The following PRICKLE2 variants were observed in gnomAD, a reference collection of about 807,000 sequenced individuals.
The protein encoded by PRICKLE2 is prickle-like protein 2.
Under a neutral mutation model 81.4 loss-of-function variants are expected in PRICKLE2, and 21 were observed. That is an observed-to-expected ratio of 0.26 (90% CI 0.18 to 0.37). The LOEUF (loss-of-function observed/expected upper bound fraction) is 0.37. Among genes scored for constraint, PRICKLE2 ranks in the 10% least tolerant of loss-of-function variants. The pLI is 1.00. For synonymous variants in PRICKLE2, 456 were observed against 421.5 expected (o/e 1.08, Z -1.00); for missense variants, 940 against 1,109.0 (o/e 0.85, Z 2.16).
At chr3:64,140,065 A>G (rs1193481570) in intron 7 of PRICKLE2, among the ~76,000 whole-genome samples, 7 of 152,236 alleles carry the variant, frequency 4.6e-5, no homozygotes, top group African/African-American at 1.7e-4. Flanking sequence ...ACCTACAAAT[A>G]CTAATACCAA....
At chr3:64,236,450 C>G (rs538245999) in intron 2 of PRICKLE2, among the ~76,000 whole-genome samples, 105 of 152,310 alleles carry the variant, frequency 6.9e-4, no homozygotes, top group African/African-American at 2.3e-3. Context: ...AAGCTAATCA[C>G]AGCCTAGGGA....
intron 2 of PRICKLE2, among the ~76,000 whole-genome samples, chr3:64,232,039 T>C (rs1054768265): frequency 1.3e-5 from 2 of 152,192 alleles, no homozygotes; most frequent in African/African-American, 4.8e-5. Flanking sequence ...ACACAGAAGG[T>C]TCCCTGTGCC....
Position 64,147,309 on chromosome 3 carries a change from C to G in PRICKLE2, c.1181G>C (p.Trp394Ser). ...QTPSLNRDPI[W>S]RSREEPYHYG... is the part of the protein sequence containing the mutation. The stretch of plus-strand genomic sequence containing the variant: ...ATGGTAGGGCTCTTCCCGGCTCCTC[C>G]AGATGGGGTCCCGGTTGAGGCTGGG... The change falls in exon 7 of 8, where the codon TGG becomes TCG. Residue 394 changes from tryptophan to serine, a missense_variant. Transcript: ENST00000638394. This position sits in a 1 kb window ranked among gnomAD's most constrained non-coding sequence, Gnocchi z 5.0. 6.2e-7 allele frequency: 1 copy of G among 1,613,916 alleles called. No homozygotes were observed. Among genetic ancestry groups the G allele is most frequent in the South Asian group, 1.1e-5 (1 of 91,078 alleles).
At chr3:64,180,958 A>G (rs1351660024) in intron 2 of PRICKLE2, among the ~76,000 whole-genome samples, 1 of 152,214 alleles carries the variant, frequency 6.6e-6, no homozygotes, top group African/African-American at 2.4e-5. Flanking sequence ...AAGTCCTTTC[A>G]TAAGCAACTT....
At chr3:64,124,148 G>A (rs1417887303) in intron 7 of PRICKLE2, among the ~76,000 whole-genome samples, 1 of 152,122 alleles carries the variant, frequency 6.6e-6, no homozygotes, top group African/African-American at 2.4e-5. Context: ...AGTTTAAGTG[G>A]GCTGGACAGA....
At chr3:64,177,936 G>A (rs1400496327) in intron 2 of PRICKLE2, among the ~76,000 whole-genome samples, 1 of 152,188 alleles carries the variant, frequency 6.6e-6, no homozygotes, top group Non-Finnish European at 1.5e-5. Flanking sequence ...GGAATTACTG[G>A]ATGATATGGT....
intron 2 of PRICKLE2, among the ~76,000 whole-genome samples, chr3:64,172,603 CAA>C (rs1553647437): frequency 3.3e-5 from 5 of 152,294 alleles, no homozygotes; most frequent in African/African-American, 9.6e-5. Flanking sequence ...GTGTAACTAA[CAA>C]AGAGAGAGGC....
chr3:64,233,089 T>C (rs2079129455), intron 2 of PRICKLE2, among the ~76,000 whole-genome samples: 1 of 152,198 alleles, frequency 6.6e-6, no homozygotes, highest in Non-Finnish European at 1.5e-5. Context: ...TACACTCTGG[T>C]CCTTGACACT....
chr3:64,216,206 A>G (rs1390319216), intron 1 of PRICKLE2, among the ~76,000 whole-genome samples: 1 of 152,240 alleles, frequency 6.6e-6, no homozygotes, highest in Non-Finnish European at 1.5e-5. Context: ...GTTTACAACA[A>G]CCTACCAGCC....
At chr3:64,150,687 C>T (rs1274187531) in intron 6 of PRICKLE2, among the ~76,000 whole-genome samples, 1 of 152,182 alleles carries the variant, frequency 6.6e-6, no homozygotes, top group Admixed American at 6.5e-5. Flanking sequence ...TAGAGGTACA[C>T]AGGAAGTCCA....
intron 2 of PRICKLE2, among the ~76,000 whole-genome samples, chr3:64,256,506 G>A (rs1174944519): frequency 6.6e-6 from 1 of 152,122 alleles, no homozygotes; most frequent in East Asian, 1.9e-4. Flanking sequence ...GCTCTACACA[G>A]AAAAAGTTTG....
intron 2 of PRICKLE2, among the ~76,000 whole-genome samples, chr3:64,237,560 C>G (rs1420891669): frequency 6.6e-6 from 1 of 152,116 alleles, no homozygotes; most frequent in Admixed American, 6.5e-5. Context: ...CACCTCTCTG[C>G]CCTGCTCCTC....
intron 2 of PRICKLE2, chr3:64,182,806 AT>A (rs2078158479): frequency 6.6e-6 from 1 of 152,188 alleles, no homozygotes; most frequent in Admixed American, 6.5e-5. Flanking sequence ...GAAATGGCGA[AT>A]AACCACTCTA....
intron 2 of PRICKLE2, among the ~76,000 whole-genome samples, chr3:64,246,048 C>T (rs1167604565): frequency 6.6e-6 from 1 of 152,102 alleles, no homozygotes; most frequent in African/African-American, 2.4e-5. Flanking sequence ...AGTTCGAGAC[C>T]AGCCTGGCCA....
At chr3:64,160,976 AAACAAAC>A (rs1553645532) in intron 3 of PRICKLE2, among the ~76,000 whole-genome samples, 1 of 151,578 alleles carries the variant, frequency 6.6e-6, no homozygotes, top group Non-Finnish European at 1.5e-5. Flanking sequence ...ACAAACAAAC[AAACAAAC>A]AAAAAAACCA....
intron 2 of PRICKLE2, among the ~76,000 whole-genome samples, chr3:64,238,206 G>T (rs746920909): frequency 6.6e-6 from 1 of 152,144 alleles, no homozygotes; most frequent in Non-Finnish European, 1.5e-5. Context: ...GGTAGTATTG[G>T]CTGGGTGGGG....
intron 5 of PRICKLE2, chr3:64,153,618 G>C (rs2077580407): frequency 2.0e-6 from 1 of 493,482 alleles, no homozygotes; most frequent in Non-Finnish European, 3.7e-6. Flanking sequence ...TTTAATAAGA[G>C]AAAGAATGTT....
At chr3:64,143,185 T>G (rs1289593143) in intron 7 of PRICKLE2, among the ~76,000 whole-genome samples, 1 of 152,222 alleles carries the variant, frequency 6.6e-6, no homozygotes, top group African/African-American at 2.4e-5. Flanking sequence ...AAATTTAAAC[T>G]TCAGGCCATT....
chr3:64,242,692 T>C (rs1475364400), intron 2 of PRICKLE2, among the ~76,000 whole-genome samples: 1 of 152,234 alleles, frequency 6.6e-6, no homozygotes, highest in Admixed American at 6.5e-5. Context: ...TGGGCCATCA[T>C]TGCTTTACAG....
Sources: allele counts gnomAD v4.1 joint callset (sites outside exome capture counted in the v4.1 genomes callset), GRCh38; gene constraint gnomAD v4.1.1; non-coding constraint Gnocchi (gnomAD v3.1); transcripts MANE v1.5; gene names NCBI Gene and HGNC (gene_info 2026-07-23, HGNC 2026-07-21).